JMJD1C: variants seen among roughly 807,000 people sequenced by gnomAD.
JMJD1C encodes the protein jumonji domain-containing protein 1C.
In JMJD1C, 31 loss-of-function variants were observed where a neutral mutation model predicts 245.3. The observed-to-expected ratio is 0.13, with a 90% CI of 0.09 to 0.17. JMJD1C has a LOEUF of 0.17. JMJD1C is among the 10% of genes least tolerant of loss of function. The pLI is 1.00. For synonymous variants in JMJD1C, 1,057 were observed against 1,017.4 expected (o/e 1.04, Z -0.74); for missense variants, 2,691 against 3,000.2 (o/e 0.90, Z 2.41).
intron 2 of JMJD1C, among the ~76,000 whole-genome samples, chr10:63,273,407 T>G (rs560505929): frequency 9.8e-5 from 15 of 152,304 alleles, no homozygotes; most frequent in Admixed American, 6.5e-4. Flanking sequence ...TCTGGTACTC[T>G]GGTAAATTTT....
intron 22 of JMJD1C, among the ~76,000 whole-genome samples, chr10:63,182,728 A>G (rs1843638759): frequency 6.6e-6 from 1 of 152,220 alleles, no homozygotes; most frequent in African/African-American, 2.4e-5. Flanking sequence ...ACTGGATAGA[A>G]AGAGAAAAGA....
chr10:63,461,056 C>T (rs1410559561), intron 1 of JMJD1C, among the ~76,000 whole-genome samples: 1 of 152,156 alleles, frequency 6.6e-6, no homozygotes, highest in Non-Finnish European at 1.5e-5. Context: ...CAATTAACAA[C>T]ATTTACTGGG....
intron 3 of JMJD1C, among the ~76,000 whole-genome samples, chr10:63,242,922 T>C (rs903805763): frequency 6.6e-6 from 1 of 151,740 alleles, no homozygotes; most frequent in Non-Finnish European, 1.5e-5. Flanking sequence ...ACCTATTTTA[T>C]AGATAAAAAT....
At chr10:63,192,101 GTAAC>G (rs1307289825) in intron 16 of JMJD1C, among the ~76,000 whole-genome samples, 1 of 150,960 alleles carries the variant, frequency 6.6e-6, no homozygotes, top group Non-Finnish European at 1.5e-5. Flanking sequence ...AAACAATTCT[GTAAC>G]TAACTTTGAT....
Position 63,189,274 on chromosome 10 carries a change from C to T in JMJD1C, c.6464G>A (p.Ser2155Asn). Reference protein sequence around the residue: ...SAVDENNKLYSDIPHSWICEK... With the variant: ...SAVDENNKLYNDIPHSWICEK... ...ACAGATCCAAGAATGTGGTATATCA[C>T]TGTATAATTTATTATTTTCATCCAC... is the stretch of plus-strand genomic sequence containing the variant. The change falls in exon 18 of 26, where the codon AGT becomes AAT. Residue 2155 changes from serine (S) to asparagine (N), a missense_variant. This residue lies in a region of JMJD1C where 275 missense variants were observed against 285.5 expected (regional missense o/e 0.96). Transcript: ENST00000399262. 3 of 1,613,424 alleles carry T rather than the reference C, an allele frequency of 1.9e-6. No individual in the cohort carries two copies. Among genetic ancestry groups the T allele is most frequent in the Non-Finnish European group, 2.5e-6 (3 of 1,179,516 alleles).
intron 23 of JMJD1C, 62 bp downstream of exon 23, chr10:63,177,655 C>T (rs2306263): frequency 0.057 from 87,686 of 1,540,912 alleles, 7,304 homozygotes; most frequent in African/African-American, 0.4. Flanking sequence ...AGTGAAGGTA[C>T]GGCAACAATG....
intron 1 of JMJD1C, among the ~76,000 whole-genome samples, chr10:63,517,007 T>C (rs1176455420): frequency 6.6e-6 from 1 of 152,230 alleles, no homozygotes; most frequent in Non-Finnish European, 1.5e-5. Context: ...TATGTCAGTC[T>C]TCTTAAGATC....
chr10:63,309,604 T>A (rs1042310246), intron 2 of JMJD1C, among the ~76,000 whole-genome samples: 1 of 150,520 alleles, frequency 6.6e-6, no homozygotes, highest in South Asian at 2.1e-4. Context: ...CCAATCCACA[T>A]TGAAACATTT....
At chr10:63,280,405 C>G (rs1857254425) in intron 2 of JMJD1C, among the ~76,000 whole-genome samples, 1 of 151,580 alleles carries the variant, frequency 6.6e-6, no homozygotes, top group African/African-American at 2.4e-5. Context: ...AAAAAATTAG[C>G]TGGGTGTGGT....
chr10:63,264,124 A>G (rs1437136373), intron 3 of JMJD1C, among the ~76,000 whole-genome samples: 1 of 151,940 alleles, frequency 6.6e-6, no homozygotes, highest in Non-Finnish European at 1.5e-5. Flanking sequence ...GCTAATAGTC[A>G]ACTGGAAAAT....
chr10:63,380,226 C>T, intron 2 of JMJD1C, 92 bp downstream of exon 2: 2 of 1,258,166 alleles, frequency 1.6e-6, no homozygotes, highest in Non-Finnish European at 1.2e-6. Flanking sequence ...TTACAGGTGT[C>T]AGTCACCAAA....
intron 1 of JMJD1C, among the ~76,000 whole-genome samples, chr10:63,418,875 G>C (rs186765071): frequency 6.6e-6 from 1 of 151,962 alleles, no homozygotes; most frequent in Admixed American, 6.6e-5. Context: ...TCAGGAGTTC[G>C]AGACCAGCCT....
At chr10:63,273,431 A>T (rs562971772) in intron 2 of JMJD1C, among the ~76,000 whole-genome samples, 1 of 152,298 alleles carries the variant, frequency 6.6e-6, no homozygotes, top group African/African-American at 2.4e-5. Context: ...CACAAACAAA[A>T]ATAATGAAGT....
intron 1 of JMJD1C, among the ~76,000 whole-genome samples, chr10:63,444,888 T>A (rs890073998): frequency 1.3e-5 from 2 of 152,154 alleles, no homozygotes; most frequent in African/African-American, 4.8e-5. Flanking sequence ...TGGAGCAATT[T>A]AATTCTAATG....
chr10:63,338,244 C>T (rs1237081960), intron 2 of JMJD1C, among the ~76,000 whole-genome samples: 1 of 152,184 alleles, frequency 6.6e-6, no homozygotes, highest in Non-Finnish European at 1.5e-5. Flanking sequence ...AAGCCATCCT[C>T]CTGCCTCAGC....
At chr10:63,195,006 C>T (rs1309857670) in intron 13 of JMJD1C, among the ~76,000 whole-genome samples, 6 of 152,128 alleles carry the variant, frequency 3.9e-5, no homozygotes, top group Admixed American at 3.3e-4. Context: ...CAGCTACTTA[C>T]GACGTGGCTA....
rs187605015 is a variant in JMJD1C, at chr10:63,244,852, T to G, written c.447+19799A>C. 4.7e-5 allele frequency among the ~76,000 whole-genome samples: 7 copies of G among 150,516 alleles called. 2 individuals carry two copies. In the East Asian group the frequency reaches 1.4e-3, roughly 30 times the overall value. On this transcript the variant is annotated intron_variant, in intron 3 of 25. Transcript: ENST00000399262. ...AGGGGGGAGAACAATTAAAAGAAAT[T>G]AAGGCTGGGTGCGGTGGCTCACGCC...
chr10:63,215,214 T>C, intron 7 of JMJD1C, 49 bp downstream of exon 7: 1 of 1,541,750 alleles, frequency 6.5e-7, no homozygotes, highest in South Asian at 1.2e-5. Flanking sequence ...TTAAAATGTA[T>C]TTTTGTTTTA....
intron 1 of JMJD1C, among the ~76,000 whole-genome samples, chr10:63,416,539 G>C (rs981009367): frequency 6.6e-6 from 1 of 152,060 alleles, no homozygotes. Flanking sequence ...CAAGTAACAA[G>C]GGGAAAACTG....
Sources: allele counts gnomAD v4.1 joint callset (sites outside exome capture counted in the v4.1 genomes callset), GRCh38; gene constraint gnomAD v4.1.1; regional missense constraint gnomAD v4.1.1; transcripts MANE v1.5; gene names NCBI Gene and HGNC (gene_info 2026-07-23, HGNC 2026-07-21).